Variants in C1QTNF3 observed in about 807,000 individuals in gnomAD.
C1QTNF3 encodes the protein complement C1q tumor necrosis factor-related protein 3.
A neutral mutation model predicts 32.6 loss-of-function variants in C1QTNF3; 26 were observed. The ratio of observed to expected loss-of-function variants is 0.80; its 90% CI spans 0.58 to 1.11. The LOEUF is 1.11. Among genes scored for constraint, C1QTNF3 ranks in the 50% least tolerant of loss-of-function variants. C1QTNF3 has a pLI of 0.00. For missense variants in C1QTNF3, 362 were observed against 398.2 expected (o/e 0.91, Z 0.77); for synonymous variants, 155 against 146.0 (o/e 1.06, Z -0.44).
At chr5:34,129,245 C>T in the C1QTNF3 span, among the ~76,000 whole-genome samples, 12 of 152,244 alleles carry the variant, frequency 7.9e-5, no homozygotes, top group African/African-American at 2.9e-4. Flanking sequence ...CTTTTCTTTA[C>T]AAATTACCCA....
the C1QTNF3 span, chr5:34,124,629 C>T: frequency 2.0e-6 from 1 of 494,346 alleles, no homozygotes. Context: ...CCAATCACCT[C>T]CCATCACACT....
chr5:34,080,114 T>C, the C1QTNF3 span, among the ~76,000 whole-genome samples: 1 of 151,410 alleles, frequency 6.6e-6, no homozygotes, highest in South Asian at 2.1e-4. Flanking sequence ...AAAGCAGTTC[T>C]TTTTTTTAAA....
chr5:34,119,801 C>G, the C1QTNF3 span, among the ~76,000 whole-genome samples: 1 of 152,148 alleles, frequency 6.6e-6, no homozygotes, highest in East Asian at 1.9e-4. Flanking sequence ...CTAACTCCCT[C>G]TTCCATATTT....
At chr5:34,033,271 A>C (rs2112112530) in intron 3 of C1QTNF3, 33 bp downstream of exon 3, 1 of 1,604,760 alleles carries the variant, frequency 6.2e-7, no homozygotes, top group South Asian at 1.1e-5. Context: ...GCAGGTTGGA[A>C]AGCCACCAGG....
the C1QTNF3 span, among the ~76,000 whole-genome samples, chr5:34,117,608 C>G: frequency 2.0e-5 from 3 of 151,838 alleles, no homozygotes; most frequent in African/African-American, 7.3e-5. Context: ...CCAGCCTGAC[C>G]ATCATGTTGA....
the C1QTNF3 span, among the ~76,000 whole-genome samples, chr5:34,194,379 G>A: frequency 2.6e-5 from 4 of 151,850 alleles, no homozygotes; most frequent in East Asian, 7.9e-4. Context: ...CACAGTGTAG[G>A]AGGCCACAGT....
At chr5:34,057,863 G>C in the C1QTNF3 span, among the ~76,000 whole-genome samples, 2 of 152,166 alleles carry the variant, frequency 1.3e-5, no homozygotes, top group African/African-American at 4.8e-5. Flanking sequence ...CTGCAGCAGA[G>C]CCAGGTAAAC....
At chr5:34,219,385 T>C in the C1QTNF3 span, among the ~76,000 whole-genome samples, 1 of 151,862 alleles carries the variant, frequency 6.6e-6, no homozygotes, top group Non-Finnish European at 1.5e-5. Context: ...AAATGCCTGT[T>C]GCAAAATTTT....
At chr5:34,170,689 T>C in the C1QTNF3 span, among the ~76,000 whole-genome samples, 7 of 152,176 alleles carry the variant, frequency 4.6e-5, no homozygotes, top group Non-Finnish European at 1.0e-4. Flanking sequence ...AATATATTAA[T>C]GGTATGCAGT....
the C1QTNF3 span, among the ~76,000 whole-genome samples, chr5:34,204,257 C>G: frequency 0.32 from 48,101 of 150,934 alleles, 7,848 homozygotes; most frequent in East Asian, 0.53. Context: ...AATCCCACTA[C>G]TGGAGATCTA....
chr5:34,188,359 A>G, the C1QTNF3 span, among the ~76,000 whole-genome samples: 1 of 152,312 alleles, frequency 6.6e-6, no homozygotes, highest in East Asian at 1.9e-4. Context: ...AGGGGCCACC[A>G]TCCTCCAGAC....
the C1QTNF3 span, among the ~76,000 whole-genome samples, chr5:34,052,132 C>T: frequency 1.3e-5 from 2 of 151,748 alleles, no homozygotes; most frequent in South Asian, 2.1e-4. Flanking sequence ...AGCAAGACCG[C>T]GTCTTAAAAA....
chr5:34,085,684 A>G, the C1QTNF3 span, among the ~76,000 whole-genome samples: 1 of 151,816 alleles, frequency 6.6e-6, no homozygotes, highest in Non-Finnish European at 1.5e-5. Flanking sequence ...AAACATATGA[A>G]AAAAAGCTCA....
At chr5:34,224,765 C>G in the C1QTNF3 span, among the ~76,000 whole-genome samples, 3 of 152,080 alleles carry the variant, frequency 2.0e-5, no homozygotes, top group Admixed American at 2.0e-4. Flanking sequence ...GTCTAAAACA[C>G]CAAAAGCAAT....
At chr5:34,092,679 G>T in the C1QTNF3 span, among the ~76,000 whole-genome samples, 1 of 151,668 alleles carries the variant, frequency 6.6e-6, no homozygotes, top group Non-Finnish European at 1.5e-5. Flanking sequence ...TATATTTCAG[G>T]TATGAAAGCA....
the C1QTNF3 span, among the ~76,000 whole-genome samples, chr5:34,217,767 TC>T: frequency 1.5e-4 from 23 of 152,090 alleles, no homozygotes; most frequent in African/African-American, 5.1e-4. Context: ...TTAAATTAAA[TC>T]TTTAAGCAAT....
the C1QTNF3 span, among the ~76,000 whole-genome samples, chr5:34,068,508 C>T: frequency 6.6e-6 from 1 of 151,754 alleles, no homozygotes; most frequent in East Asian, 1.9e-4. Context: ...TCAGAGAGCC[C>T]TCAAATATAT....
At chr5:34,220,647 T>TA in the C1QTNF3 span, among the ~76,000 whole-genome samples, 20 of 152,234 alleles carry the variant, frequency 1.3e-4, no homozygotes, top group Admixed American at 3.9e-4. Context: ...CAACTGCATT[T>TA]ACTTTCTTTC....
At chr5:34,182,474 C>CAAATAAAT in the C1QTNF3 span, among the ~76,000 whole-genome samples, 85 of 141,972 alleles carry the variant, frequency 6.0e-4, no homozygotes, top group East Asian at 1.2e-3. Context: ...GAGACCATCA[C>CAAATAAAT]AAATAAATAA....
Sources: allele counts gnomAD v4.1 joint callset (sites outside exome capture counted in the v4.1 genomes callset), GRCh38; gene constraint gnomAD v4.1.1; transcripts MANE v1.5; gene names NCBI Gene and HGNC (gene_info 2026-07-23, HGNC 2026-07-21).